The following PCYT1A variants were observed in gnomAD, a reference collection of about 807,000 sequenced individuals.
PCYT1A encodes the protein choline-phosphate cytidylyltransferase A.
Under a neutral mutation model 43.7 loss-of-function variants are expected in PCYT1A, and 25 were observed. The ratio of observed to expected loss-of-function variants is 0.57; its 90% CI spans 0.42 to 0.80. The LOEUF (loss-of-function observed/expected upper bound fraction) is 0.80. Among genes scored for constraint, PCYT1A ranks in the 30% least tolerant of loss-of-function variants. The pLI is 0.00. For synonymous variants in PCYT1A, 172 were observed against 170.7 expected, an observed-to-expected ratio of 1.01 and a Z score of -0.06; for missense variants, 421 against 474.2, an observed-to-expected ratio of 0.89 and a Z score of 1.04.
chr3:196,248,105 A>C, intron 4 of PCYT1A, 102 bp downstream of exon 4: 1 of 738,644 alleles, frequency 1.4e-6, no homozygotes, highest in South Asian at 1.5e-5. Flanking sequence ...TACATCCTTC[A>C]TTTAAAAATG....
At chr3:196,285,075 A>T (rs1725870080) in intron 1 of PCYT1A, among the ~76,000 whole-genome samples, 1 of 152,188 alleles carries the variant, frequency 6.6e-6, no homozygotes, top group African/African-American at 2.4e-5. Flanking sequence ...AGGAGTGGTT[A>T]TCAGATTAAT....
chr3:196,263,545 G>A (rs942085049), intron 2 of PCYT1A, among the ~76,000 whole-genome samples: 28 of 152,156 alleles, frequency 1.8e-4, no homozygotes, highest in Non-Finnish European at 5.9e-5. Flanking sequence ...CACGGGAAAC[G>A]CTACAGAGTC....
At chr3:196,270,670 T>TTA (rs1191407688) in intron 1 of PCYT1A, 129 bp from the exon 2 acceptor site, 6 of 742,942 alleles carry the variant, frequency 8.1e-6, no homozygotes, top group Non-Finnish European at 1.5e-5. Context: ...TTCACCAAGA[T>TTA]GAGCCAATGG....
chr3:196,266,052 T>TA lies in PCYT1A; in HGVS notation c.117+4362dup, dbSNP rs199734052. 8.6e-4 allele frequency among the ~76,000 whole-genome samples: 128 copies of TA among 149,630 alleles called. 2 individuals are homozygous for TA. The highest frequency in any genetic ancestry group is 6.9e-3 in the Middle Eastern group (2 of 290). On this transcript the variant is annotated intron_variant, in intron 2 of 8. Coordinates refer to ENST00000431016, the MANE Select transcript of PCYT1A (RefSeq NM_001312673.2). ...CTGTGCCTGGCCTGCAAGTGCCCAT[T>TA]AAAAAAAAATAAATAAACTAATGAG...
intron 1 of PCYT1A, among the ~76,000 whole-genome samples, chr3:196,278,167 C>T (rs1378013909): frequency 6.6e-6 from 1 of 152,184 alleles, no homozygotes; most frequent in Non-Finnish European, 1.5e-5. Flanking sequence ...TACATCCTAA[C>T]ATCGTGTTGG....
In PCYT1A at chr3:196,282,592, T is replaced by G. The variant is rs983262416; in HGVS notation, c.-11+5023A>C. Among the ~76,000 whole-genome samples the G allele has an allele frequency of 1.3e-5, 2 of 152,202 alleles. No individual in the cohort carries two copies. The highest frequency in any genetic ancestry group is 6.5e-5 in the Admixed American group (1 of 15,280). Reference sequence around the variant, plus strand: ...TCATACCATATCATACTTCTTAAATTTTGATAACTATATATCAATATAATT... The same window carrying G: ...TCATACCATATCATACTTCTTAAATGTTGATAACTATATATCAATATAATT... On this transcript the variant is annotated intron_variant, in intron 1 of 8. Coordinates refer to ENST00000431016, the MANE Select transcript of PCYT1A (RefSeq NM_001312673.2). This position sits in a 1 kb window ranked among gnomAD's most constrained non-coding sequence, Gnocchi z 4.3.
intron 3 of PCYT1A, among the ~76,000 whole-genome samples, chr3:196,249,316 T>TTA (rs889992659): frequency 2.0e-5 from 3 of 149,198 alleles, no homozygotes; most frequent in Non-Finnish European, 4.5e-5. Flanking sequence ...CCAGCTAATT[T>TTA]TTTTTTTTTT....
Position 196,252,094 on chromosome 3 carries a change from C to T in PCYT1A, c.218-3771G>A, listed in dbSNP as rs1317672439. 4.6e-5 allele frequency among the ~76,000 whole-genome samples: 7 copies of T among 151,368 alleles called. No homozygotes were observed. Among genetic ancestry groups the T allele is most frequent in the African/African-American group, 1.7e-4 (7 of 41,228 alleles). On this transcript the variant is annotated intron_variant, in intron 3 of 8. Coordinates refer to ENST00000431016, the MANE Select transcript of PCYT1A (RefSeq NM_001312673.2). The surrounding 1 kb of genome is among the most constrained non-coding windows in gnomAD (Gnocchi z 4.0). Reference sequence around the variant, plus strand: ...CCGCTGACTACAGCGCACCCCGCCACGCCCCGCAGACTACAGCGCACCCCG... The same window carrying T: ...CCGCTGACTACAGCGCACCCCGCCATGCCCCGCAGACTACAGCGCACCCCG...
intron 3 of PCYT1A, among the ~76,000 whole-genome samples, chr3:196,254,633 G>A (rs192467991): frequency 2.6e-4 from 40 of 152,294 alleles, no homozygotes; most frequent in Admixed American, 2.2e-3. Context: ...TTATAGGCAT[G>A]AGCCACCACA....
rs1315957966 is a variant in PCYT1A, at chr3:196,268,554, A to G, written c.117+1861T>C. Among the ~76,000 whole-genome samples, 26 of 152,022 alleles carry G rather than the reference A, an allele frequency of 1.7e-4. No homozygotes were observed. The highest frequency in any genetic ancestry group is 1.7e-3 in the Admixed American group (26 of 15,238). On this transcript the variant is annotated intron_variant, in intron 2 of 8. Transcript: ENST00000431016. This position sits in a 1 kb window ranked among gnomAD's most constrained non-coding sequence, Gnocchi z 4.4. ...AATCCTAGCACTCTGGGAGGCCGAGATAGGAAGACTACTTGAGCTCAGGAG... is the reference window on the plus strand; with the variant it reads ...AATCCTAGCACTCTGGGAGGCCGAGGTAGGAAGACTACTTGAGCTCAGGAG...
In PCYT1A at chr3:196,252,073, T is replaced by TG. The variant is rs1277187347; in HGVS notation, c.218-3751dup. ...TACAGCGCACACCACCACGCCCCGCTGACTACAGCGCACCCCGCCACGCCC... is the reference window on the plus strand; with the variant it reads ...TACAGCGCACACCACCACGCCCCGCTGGACTACAGCGCACCCCGCCACGCCC... On this transcript the variant is annotated intron_variant, in intron 3 of 8. Coordinates refer to ENST00000431016, the MANE Select transcript of PCYT1A (RefSeq NM_001312673.2). The surrounding 1 kb of genome is among the most constrained non-coding windows in gnomAD (Gnocchi z 4.0). Among the ~76,000 whole-genome samples the TG allele has an allele frequency of 6.7e-6, 1 of 149,308 alleles. No homozygotes were observed. Among genetic ancestry groups the TG allele is most frequent in the African/African-American group, 2.5e-5 (1 of 40,762 alleles).
chr3:196,279,052 C>T (rs1273311622), intron 1 of PCYT1A, among the ~76,000 whole-genome samples: 1 of 150,578 alleles, frequency 6.6e-6, no homozygotes. Flanking sequence ...CTTTGAGAGG[C>T]CAAGGCGGGA....
In PCYT1A at chr3:196,238,856, C is replaced by CT; in HGVS notation, c.935dup (p.Ala313GlyfsTer48). The CT allele has an allele frequency of 6.6e-7, 1 of 1,506,888 alleles. No homozygotes were observed. The highest frequency in any genetic ancestry group is 2.5e-5 in the East Asian group (1 of 39,914). 93.3% of individuals were successfully genotyped at this position (1,506,888 alleles called of 1,614,324 possible). A position where few individuals can be genotyped will look rare whatever the true frequency, so the allele number is the denominator to read the frequency against. ...TGGGGCTCTGCTTCGGGCTGATGGC[C>CT]TGCAGCATCCGGCCCTTCCCCTCTT... On this transcript the variant is annotated frameshift_variant, in exon 9 of 9. Transcript: ENST00000431016. LOFTEE classifies it high-confidence loss of function.
intron 1 of PCYT1A, among the ~76,000 whole-genome samples, chr3:196,284,287 A>G (rs1187762075): frequency 6.6e-6 from 1 of 152,228 alleles, no homozygotes; most frequent in Non-Finnish European, 1.5e-5. Flanking sequence ...AGCACTTATA[A>G]CATCTCTAGG....
intron 7 of PCYT1A, chr3:196,240,039 C>T (rs970460963): frequency 2.4e-5 from 8 of 330,748 alleles, no homozygotes; most frequent in African/African-American, 1.2e-4. Context: ...AAACTTGGAA[C>T]ATAAACATGC....
intron 1 of PCYT1A, among the ~76,000 whole-genome samples, chr3:196,272,728 C>T (rs933903363): frequency 2.6e-5 from 4 of 152,214 alleles, no homozygotes; most frequent in Non-Finnish European, 5.9e-5. Context: ...ATTCTCCTTC[C>T]CCCAAAGGAA....
chr3:196,274,189 C>A (rs1263938964), intron 1 of PCYT1A, among the ~76,000 whole-genome samples: 1 of 152,246 alleles, frequency 6.6e-6, no homozygotes, highest in Non-Finnish European at 1.5e-5. Context: ...TGGGAGCAGG[C>A]ACTTCAAGCC....
Position 196,279,312 on chromosome 3 carries a change from A to G in PCYT1A, c.-11+8303T>C, listed in dbSNP as rs568317328. Among the ~76,000 whole-genome samples, 122 of 136,446 alleles carry G rather than the reference A, an allele frequency of 8.9e-4. 1 individual carries two copies. Among genetic ancestry groups the G allele is most frequent in the African/African-American group, 3.1e-3 (116 of 37,704 alleles). 89.5% of individuals were successfully genotyped at this position (136,446 alleles called of 152,430 possible). ...AAAAAAAAAAAAAAAAAGGGCTGAC[A>G]GCCAGAATACAGCAATTGTTAAGAC... On this transcript the variant is annotated intron_variant, in intron 1 of 8. Transcript: ENST00000431016.
At chr3:196,254,370 T>C (rs904354245) in intron 3 of PCYT1A, among the ~76,000 whole-genome samples, 1 of 151,934 alleles carries the variant, frequency 6.6e-6, no homozygotes, top group Non-Finnish European at 1.5e-5. Context: ...TTATTTATTT[T>C]TTAAGATAGG....
Sources: allele counts gnomAD v4.1 joint callset (sites outside exome capture counted in the v4.1 genomes callset), GRCh38; gene constraint gnomAD v4.1.1; non-coding constraint Gnocchi (gnomAD v3.1); transcripts MANE v1.5; gene names NCBI Gene and HGNC (gene_info 2026-07-23, HGNC 2026-07-21).